The following LGR6 variants were observed in gnomAD, a reference collection of about 807,000 sequenced individuals.
LGR6 encodes leucine-rich repeat-containing G protein-coupled receptor 6.
In LGR6, 45 loss-of-function variants were observed where a neutral mutation model predicts 69.4. The ratio of observed to expected loss-of-function variants is 0.65; its 90% CI spans 0.51 to 0.83. LGR6 has a LOEUF of 0.83. Among genes scored for constraint, LGR6 ranks in the 40% least tolerant of loss-of-function variants. LGR6 has a pLI of 0.00. For missense variants in LGR6, 1,108 were observed against 1,246.7 expected (o/e 0.89, Z 1.68); for synonymous variants, 538 against 555.0 (o/e 0.97, Z 0.43).
chr1:202,273,460 T>C (rs868385836), intron 4 of LGR6, among the ~76,000 whole-genome samples: 4 of 151,406 alleles, frequency 2.6e-5, no homozygotes, highest in Middle Eastern at 3.2e-3. Flanking sequence ...TGTTTTTTTT[T>C]GTTTTTTTTT....
chr1:202,220,862 C>T (rs1660109506), intron 1 of LGR6, among the ~76,000 whole-genome samples: 1 of 152,102 alleles, frequency 6.6e-6, no homozygotes, highest in Non-Finnish European at 1.5e-5. Context: ...CACACACACA[C>T]ACAAACACAT....
At chr1:202,276,561 C>G (rs780345473) in intron 5 of LGR6, 40 bp downstream of exon 5, 11 of 1,465,324 alleles carry the variant, frequency 7.5e-6, no homozygotes, top group Non-Finnish European at 8.5e-6. Flanking sequence ...TGGGGTCCTG[C>G]TGGGGGCTGG....
intron 4 of LGR6, among the ~76,000 whole-genome samples, chr1:202,254,445 T>C (rs1190303208): frequency 6.6e-6 from 1 of 152,194 alleles, no homozygotes; most frequent in Non-Finnish European, 1.5e-5. Flanking sequence ...AAGGGAAAGA[T>C]ACTTCCTCCA....
intron 12 of LGR6, among the ~76,000 whole-genome samples, chr1:202,306,056 G>A (rs1354231360): frequency 2.0e-5 from 3 of 152,114 alleles, no homozygotes; most frequent in Non-Finnish European, 2.9e-5. Context: ...GGAGGGACAG[G>A]GTCACATCAG....
rs1291463656 is a variant in LGR6 at position 202,235,963 on chromosome 1, C to T, written c.398C>T (p.Ala133Val). 1.2e-6 allele frequency: 2 copies of T among 1,613,844 alleles called. No homozygotes were observed. The highest frequency in any genetic ancestry group is 1.7e-6 in the Non-Finnish European group (2 of 1,180,000). The part of the protein sequence containing the change: ...NNQLGGIPAE[A>V]LWELPSLQSL... ...CAGCTGGGAGGAATCCCCGCAGAGG[C>T]GCTGTGGGAGCTGCCGAGCCTGCAG... is the stretch of plus-strand genomic sequence containing the variant. The change falls in exon 4 of 18, where the codon GCG becomes GTG. Residue 133 changes from alanine to valine, a missense_variant. Physicochemically the swap from Ala to Val is moderately conservative, Grantham distance 64. Transcript: ENST00000367278.
At chr1:202,299,322 A>G (rs2148253165) in intron 7 of LGR6, among the ~76,000 whole-genome samples, 1 of 151,860 alleles carries the variant, frequency 6.6e-6, no homozygotes, top group African/African-American at 2.4e-5. Context: ...TGCCAGAGTC[A>G]CCAAGGTCTA....
Position 202,266,111 on chromosome 1 carries a change from A to G in LGR6, c.429-10195A>G, listed in dbSNP as rs546193518. 3.5e-3 allele frequency among the ~76,000 whole-genome samples: 536 copies of G among 152,236 alleles called. 5 individuals are homozygous for G. Among genetic ancestry groups the G allele is most frequent in the African/African-American group, 0.012 (514 of 41,540 alleles). ...CCTAATAATACTTTCCAGATTAAAA[A>G]AAAAAAAAAAATAACAGGCAGCTTC... On this transcript the variant is annotated intron_variant, in intron 4 of 17. Transcript: ENST00000367278.
At chr1:202,317,834 A>G in intron 17 of LGR6, 118 bp from the exon 18 acceptor site, 2 of 1,049,820 alleles carry the variant, frequency 1.9e-6, no homozygotes, top group South Asian at 1.6e-5. Flanking sequence ...TCCGAGGGCA[A>G]GGGCCATGTT....
intron 6 of LGR6, among the ~76,000 whole-genome samples, chr1:202,284,280 C>T (rs1323878820): frequency 6.6e-6 from 1 of 152,200 alleles, no homozygotes; most frequent in African/African-American, 2.4e-5. Context: ...GGTCATGCTC[C>T]ATCCTGCATC....
At chr1:202,231,734 T>C (rs1337601551) in intron 3 of LGR6, among the ~76,000 whole-genome samples, 1 of 152,238 alleles carries the variant, frequency 6.6e-6, no homozygotes, top group Non-Finnish European at 1.5e-5. Context: ...CCTTGGACCT[T>C]GTTACGACAT....
chr1:202,313,131 G>T (rs1367688705), intron 16 of LGR6, among the ~76,000 whole-genome samples: 1 of 151,890 alleles, frequency 6.6e-6, no homozygotes, highest in Non-Finnish European at 1.5e-5. Context: ...GGAGGCTGAG[G>T]CAGGAGAATG....
rs368357450 is a variant in LGR6, at chr1:202,194,136, T to G, written c.147T>G (p.Ser49=). The G allele has an allele frequency of 6.4e-7, 1 of 1,573,626 alleles. No individual in the cohort carries two copies. The highest frequency in any genetic ancestry group is 1.4e-5 in the African/African-American group (1 of 72,442). The change falls in exon 1 of 18, where the codon TCT becomes TCG. Residue 49 remains serine (S), a synonymous_variant. Transcript: ENST00000367278. The part of the protein sequence containing the change: ...CHCQEDGIML[S]ADCSELGLSA... ...GCCAGGAGGACGGCATCATGCTGTC[T>G]GCCGACTGCTCTGAGCTCGGGCTGT...
rs1653515852 is a variant in LGR6, at chr1:202,309,186, T to G, written c.1406+10T>G. The G allele has an allele frequency of 6.2e-7, 1 of 1,613,770 alleles. No individual in the cohort carries two copies. ...GTTTCCCAAAACTGAGGTGAGGGAC[T>G]GGCTTTCCCCAACACCTGGGTAGGC... is the stretch of plus-strand genomic sequence containing the variant. On this transcript the variant is annotated intron_variant, in intron 15 of 17. Transcript: ENST00000367278.
chr1:202,264,224 A>G (rs1664467358), intron 4 of LGR6, among the ~76,000 whole-genome samples: 1 of 152,184 alleles, frequency 6.6e-6, no homozygotes, highest in Admixed American at 6.5e-5. Context: ...CATGGTTGAT[A>G]TGGACTTTTC....
chr1:202,225,531 G>A (rs1660477777), intron 2 of LGR6, 37 bp downstream of exon 2: 1 of 1,569,552 alleles, frequency 6.4e-7, no homozygotes. Flanking sequence ...GGCAAGCATG[G>A]GCTCTGTCTA....
At chr1:202,307,441 C>A (rs775456443) in intron 14 of LGR6, 40 bp downstream of exon 14, 54 of 1,591,790 alleles carry the variant, frequency 3.4e-5, no homozygotes, top group Non-Finnish European at 4.4e-5. Context: ...TGCTGGGGGC[C>A]AGTCGGGACT....
intron 10 of LGR6, 86 bp from the exon 11 acceptor site, chr1:202,304,473 A>T: frequency 1.1e-6 from 1 of 897,660 alleles, no homozygotes; most frequent in Non-Finnish European, 1.8e-6. Context: ...ATCCCACGAC[A>T]GTATCAGGTC....
At chr1:202,294,442 T>G (rs150414865) in intron 6 of LGR6, among the ~76,000 whole-genome samples, 3,001 of 152,324 alleles carry the variant, frequency 0.02, 31 homozygotes, top group Non-Finnish European at 0.03. Context: ...TCAGGTTGGT[T>G]CTTCTGCTGG....
At chr1:202,272,847 C>T (rs1169710077) in intron 4 of LGR6, among the ~76,000 whole-genome samples, 2 of 152,206 alleles carry the variant, frequency 1.3e-5, no homozygotes, top group East Asian at 1.9e-4. Flanking sequence ...AAGTTTTCCC[C>T]TTGCCCTGCC....
Sources: allele counts gnomAD v4.1 joint callset (sites outside exome capture counted in the v4.1 genomes callset), GRCh38; gene constraint gnomAD v4.1.1; transcripts MANE v1.5; gene names NCBI Gene and HGNC (gene_info 2026-07-23, HGNC 2026-07-21).